Variants in GAD2 observed in about 807,000 individuals in gnomAD.
GAD2 encodes the protein glutamate decarboxylase 2, also known as 65 kDa glutamic acid decarboxylase.
In GAD2, 22 loss-of-function variants were observed where a neutral mutation model predicts 80.1. That is an observed-to-expected ratio of 0.27 (90% CI 0.20 to 0.39). The LOEUF (loss-of-function observed/expected upper bound fraction) is 0.39. GAD2 is among the 10% of genes least tolerant of loss of function. The pLI is 1.00. For synonymous variants in GAD2, 274 were observed against 256.9 expected (o/e 1.07, Z -0.64); for missense variants, 624 against 738.4 (o/e 0.85, Z 1.80).
At chr10:26,244,352 G>A (rs1160455402) in intron 7 of GAD2, among the ~76,000 whole-genome samples, 1 of 152,164 alleles carries the variant, frequency 6.6e-6, no homozygotes, top group African/African-American at 2.4e-5. Flanking sequence ...AAATAGAAGT[G>A]CTGTATGATC....
At chr10:26,231,240 A>T (rs1456986370) in intron 7 of GAD2, among the ~76,000 whole-genome samples, 1 of 152,082 alleles carries the variant, frequency 6.6e-6, no homozygotes, top group Non-Finnish European at 1.5e-5. Flanking sequence ...CTAGAGGGAG[A>T]CTCAGGGCTC....
At chr10:26,289,788 C>G (rs1206215193) in intron 13 of GAD2, among the ~76,000 whole-genome samples, 2 of 144,526 alleles carry the variant, frequency 1.4e-5, no homozygotes, top group Non-Finnish European at 3.0e-5. Context: ...ACATCTCCCC[C>G]CCACCTTTTT....
At chr10:26,263,142 A>G (rs1845028363) in intron 8 of GAD2, among the ~76,000 whole-genome samples, 1 of 152,218 alleles carries the variant, frequency 6.6e-6, no homozygotes, top group South Asian at 2.1e-4. Context: ...AAGAATAAAT[A>G]TTACTAGAAT....
chr10:26,237,109 C>G (rs758947124), intron 7 of GAD2, among the ~76,000 whole-genome samples: 1 of 152,070 alleles, frequency 6.6e-6, no homozygotes, highest in Non-Finnish European at 1.5e-5. Context: ...GCTTCTGGCA[C>G]GGGGGAGAGA....
At chr10:26,250,454 C>T (rs1844865337) in intron 8 of GAD2, among the ~76,000 whole-genome samples, 1 of 152,134 alleles carries the variant, frequency 6.6e-6, no homozygotes, top group African/African-American at 2.4e-5. Flanking sequence ...CACTGGGCAG[C>T]TAGGGCTCGG....
chr10:26,249,940 A>C (rs1243231247), intron 8 of GAD2, among the ~76,000 whole-genome samples: 3 of 152,044 alleles, frequency 2.0e-5, no homozygotes, highest in Non-Finnish European at 4.4e-5. Context: ...AGGAGGCAGG[A>C]GGGGGATGCT....
chr10:26,238,358 C>T (rs1471532938), intron 7 of GAD2, among the ~76,000 whole-genome samples: 2 of 152,234 alleles, frequency 1.3e-5, no homozygotes, highest in South Asian at 2.1e-4. Flanking sequence ...CACATCACCT[C>T]TTTCCATTAC....
chr10:26,273,274 G>T (rs1201764684), intron 10 of GAD2, among the ~76,000 whole-genome samples: 2 of 152,228 alleles, frequency 1.3e-5, no homozygotes, highest in Non-Finnish European at 1.5e-5. Flanking sequence ...GCTGTTTAAT[G>T]GCCCTCCTGC....
At chr10:26,281,927 A>G (rs1011530192) in intron 12 of GAD2, among the ~76,000 whole-genome samples, 2 of 152,162 alleles carry the variant, frequency 1.3e-5, no homozygotes. Flanking sequence ...AGAAATTTTA[A>G]ATGTTGATCT....
At position 26,256,261 on chromosome 10, in the gene GAD2, T is replaced by TAG. The variant is rs113520362; in HGVS notation, c.920+10269_920+10270dup. ...TATATATGCATATTATATATATATATAGAGAGAGAACCATTTGCAAGCTCC... is the reference window on the plus strand; with the variant it reads ...TATATATGCATATTATATATATATATAGAGAGAGAGAACCATTTGCAAGCTCC... On this transcript the variant is annotated intron_variant, in intron 8 of 15. Transcript: ENST00000376261. Among the ~76,000 whole-genome samples, 194 of 151,326 alleles carry TAG rather than the reference T, an allele frequency of 1.3e-3. 1 individual carries two copies. The highest frequency in any genetic ancestry group is 3.3e-3 in the African/African-American group (138 of 41,242).
intron 13 of GAD2, among the ~76,000 whole-genome samples, chr10:26,288,706 C>A (rs193228265): frequency 4.5e-4 from 68 of 152,308 alleles, no homozygotes; most frequent in Admixed American, 8.5e-4. Context: ...AAGTATCATT[C>A]TTTGTGGCTT....
Position 26,298,398 on chromosome 10 carries a change from A to G in GAD2, c.1585-2390A>G, listed in dbSNP as rs184127267. Among the ~76,000 whole-genome samples, 5 of 152,342 alleles carry G rather than the reference A, an allele frequency of 3.3e-5. No individual in the cohort carries two copies. The East Asian group carries it at 9.6e-4, about 29-fold the overall frequency. ...TTTTAGTTCATCAGCATTTTCTGGA[A>G]GCAACCAAAAGTCATATGTATTTAG... On this transcript the variant is annotated intron_variant, in intron 15 of 15. Transcript: ENST00000376261.
chr10:26,236,382 C>T (rs999623663), intron 7 of GAD2, among the ~76,000 whole-genome samples: 1 of 150,638 alleles, frequency 6.6e-6, no homozygotes, highest in South Asian at 2.1e-4. Flanking sequence ...CTCACTGCAA[C>T]CTCCGCCTCC....
At chr10:26,264,629 C>T (rs1187693850) in intron 8 of GAD2, among the ~76,000 whole-genome samples, 1 of 152,068 alleles carries the variant, frequency 6.6e-6, no homozygotes, top group Non-Finnish European at 1.5e-5. Flanking sequence ...AAGCTTTTAA[C>T]CATAGTCAAC....
Position 26,304,475 on chromosome 10 carries a change from T to C in GAD2, c.*3514T>C, listed in dbSNP as rs185119302. The C allele has an allele frequency of 1.3e-5, 2 of 152,790 alleles. No individual in the cohort carries two copies. Among genetic ancestry groups the C allele is most frequent in the African/African-American group, 4.8e-5 (2 of 41,572 alleles). The allele number at this position is 152,790 out of a possible 1,614,324, so 9.5% of individuals were successfully genotyped here. A position where few individuals can be genotyped will look rare whatever the true frequency, so the allele number is the denominator to read the frequency against. On this transcript the variant is annotated 3_prime_UTR_variant, in exon 16 of 16. Transcript: ENST00000376261. ...CAAACATGTGGCAACCTGTTCTTCCTACCAAATATAAACTTGTGTATGATC... is the reference window on the plus strand; with the variant it reads ...CAAACATGTGGCAACCTGTTCTTCCCACCAAATATAAACTTGTGTATGATC...
intron 7 of GAD2, among the ~76,000 whole-genome samples, chr10:26,235,238 C>T (rs561325543): frequency 6.2e-4 from 94 of 152,334 alleles, no homozygotes; most frequent in African/African-American, 2.0e-3. Flanking sequence ...ATCCCTTCTT[C>T]CAATCTGAGC....
At chr10:26,252,377 C>T (rs1844890064) in intron 8 of GAD2, among the ~76,000 whole-genome samples, 1 of 151,860 alleles carries the variant, frequency 6.6e-6, no homozygotes, top group South Asian at 2.1e-4. Flanking sequence ...AGGTCTCACT[C>T]TGTCACCCAG....
At chr10:26,284,729 C>T (rs1845311205) in intron 12 of GAD2, among the ~76,000 whole-genome samples, 1 of 151,914 alleles carries the variant, frequency 6.6e-6, no homozygotes, top group South Asian at 2.1e-4. Flanking sequence ...CCACCACCGC[C>T]CAGCTAATTT....
intron 10 of GAD2, among the ~76,000 whole-genome samples, chr10:26,272,292 T>C (rs7095327): frequency 0.43 from 64,820 of 152,078 alleles, 17,722 homozygotes; most frequent in African/African-American, 0.79. Flanking sequence ...GGACTGGAAA[T>C]CCTGGTAGAC....
Sources: allele counts gnomAD v4.1 joint callset (sites outside exome capture counted in the v4.1 genomes callset), GRCh38; gene constraint gnomAD v4.1.1; transcripts MANE v1.5; gene names NCBI Gene and HGNC (gene_info 2026-07-23, HGNC 2026-07-21).